The following PTPRD variants were observed in gnomAD, a reference collection of about 807,000 sequenced individuals.
PTPRD encodes protein tyrosine phosphatase receptor type D, also known as receptor-type tyrosine-protein phosphatase delta.
Under a neutral mutation model 214.5 loss-of-function variants are expected in PTPRD, and 34 were observed. The observed-to-expected ratio is 0.16, with a 90% confidence interval of 0.12 to 0.21. PTPRD has a LOEUF of 0.21. Ranked by LOEUF, PTPRD falls within the 10% of genes least tolerant of loss-of-function variation. The probability of loss-of-function intolerance (pLI) is 1.00; values close to 1 mark genes in which losing one functional copy is unlikely to be tolerated. For missense variants in PTPRD, 2,545 were observed against 2,398.7 expected (o/e 1.06, Z -1.27); for synonymous variants, 1,128 against 845.7 (o/e 1.33, Z -5.79).
intron 2 of PTPRD, among the ~76,000 whole-genome samples, chr9:10,452,534 C>G (rs758428819): frequency 6.6e-6 from 1 of 151,712 alleles, no homozygotes; most frequent in Non-Finnish European, 1.5e-5. Flanking sequence ...GAAGGAATAT[C>G]TCATTGTACT....
At chr9:8,825,221 G>A (rs1009253840) in intron 11 of PTPRD, among the ~76,000 whole-genome samples, 2 of 152,152 alleles carry the variant, frequency 1.3e-5, no homozygotes, top group East Asian at 3.8e-4. Flanking sequence ...TATAGGGACT[G>A]TTTTAGGCAA....
chr9:9,086,181 AAAGATG>A (rs767822654), intron 10 of PTPRD, among the ~76,000 whole-genome samples: 20 of 152,222 alleles, frequency 1.3e-4, no homozygotes, highest in Non-Finnish European at 2.8e-4. Context: ...ATTTTTCACT[AAAGATG>A]ACTTTTGAAA....
At chr9:10,128,250 G>A (rs920282418) in intron 3 of PTPRD, among the ~76,000 whole-genome samples, 2 of 152,118 alleles carry the variant, frequency 1.3e-5, no homozygotes, top group East Asian at 1.9e-4. Context: ...ACACACAATG[G>A]CTTAGAATGT....
intron 3 of PTPRD, among the ~76,000 whole-genome samples, chr9:10,094,784 C>A (rs935083840): frequency 1.3e-5 from 2 of 151,250 alleles, no homozygotes; most frequent in African/African-American, 4.8e-5. Context: ...ATTTTCCAGG[C>A]CTAAGAATTT....
chr9:8,381,552 T>C (rs1437191668), intron 37 of PTPRD, among the ~76,000 whole-genome samples: 1 of 152,188 alleles, frequency 6.6e-6, no homozygotes, highest in Non-Finnish European at 1.5e-5. Flanking sequence ...ATTATATCTT[T>C]ACTAATCACT....
At chr9:8,662,528 G>T (rs372475395) in intron 12 of PTPRD, among the ~76,000 whole-genome samples, 78 of 152,140 alleles carry the variant, frequency 5.1e-4, no homozygotes, top group African/African-American at 1.8e-3. Flanking sequence ...AACTCTTCAG[G>T]GCTCTGATAC....
intron 5 of PTPRD, among the ~76,000 whole-genome samples, chr9:9,879,421 C>G (rs950741103): frequency 1.3e-5 from 2 of 152,118 alleles, no homozygotes; most frequent in African/African-American, 4.8e-5. Flanking sequence ...CAGTGAGAAA[C>G]AGAACTATAC....
intron 12 of PTPRD, among the ~76,000 whole-genome samples, chr9:8,651,045 G>C (rs1258899429): frequency 1.3e-5 from 2 of 151,946 alleles, no homozygotes; most frequent in African/African-American, 4.8e-5. Flanking sequence ...ACTTCCAATT[G>C]AGCACATGTA....
intron 11 of PTPRD, among the ~76,000 whole-genome samples, chr9:8,787,404 G>A (rs2096029524): frequency 6.6e-6 from 1 of 152,096 alleles, no homozygotes; most frequent in Non-Finnish European, 1.5e-5. Flanking sequence ...TTCTGACGAT[G>A]ACAATTTGTT....
At chr9:10,561,496 G>C (rs1388231296) in intron 2 of PTPRD, among the ~76,000 whole-genome samples, 1 of 151,956 alleles carries the variant, frequency 6.6e-6, no homozygotes, top group South Asian at 2.1e-4. Flanking sequence ...CTATTACCTA[G>C]AATACTGCAT....
chr9:9,818,947 G>T lies in PTPRD; in HGVS notation c.-367-52096C>A, dbSNP rs562583009. On this transcript the variant is annotated intron_variant, in intron 5 of 45. Transcript: ENST00000381196. ...AAAAAAAAAAAAAAAAAGTTCGTAT[G>T]TATGTCTTTCAATTATTTTATTGTA... Among the ~76,000 whole-genome samples the T allele has an allele frequency of 9.0e-4, 133 of 148,478 alleles. 1 individual carries two copies. The highest frequency in any genetic ancestry group is 1.7e-3 in the Non-Finnish European group (116 of 67,216).
intron 14 of PTPRD, among the ~76,000 whole-genome samples, chr9:8,597,440 C>G (rs1229750390): frequency 6.6e-6 from 1 of 151,908 alleles, no homozygotes; most frequent in African/African-American, 2.4e-5. Context: ...TTAATACACC[C>G]TCCTTGTTCC....
chr9:8,462,284 A>G (rs537659542), intron 32 of PTPRD, among the ~76,000 whole-genome samples: 61 of 152,112 alleles, frequency 4.0e-4, no homozygotes, highest in African/African-American at 1.3e-3. Context: ...AAACACTGAT[A>G]TTAGCTAATC....
intron 7 of PTPRD, among the ~76,000 whole-genome samples, chr9:9,671,958 T>C (rs1484495825): frequency 1.3e-5 from 2 of 152,206 alleles, no homozygotes; most frequent in African/African-American, 4.8e-5. Flanking sequence ...GGGGTTGTTA[T>C]GAGATGTGAT....
At chr9:10,321,602 C>T (rs1053199445) in intron 3 of PTPRD, among the ~76,000 whole-genome samples, 19 of 150,318 alleles carry the variant, frequency 1.3e-4, no homozygotes, top group East Asian at 5.8e-4. Context: ...GTTTTAAAAG[C>T]GGGGGTGGAA....
At chr9:9,496,856 C>A (rs1447042290) in intron 8 of PTPRD, among the ~76,000 whole-genome samples, 2 of 152,098 alleles carry the variant, frequency 1.3e-5, no homozygotes, top group Non-Finnish European at 2.9e-5. Context: ...ACTCAAGTGT[C>A]CATTGACGAA....
In PTPRD at chr9:9,762,799, G is replaced by A. The variant is rs370991679; in HGVS notation, c.-326+4011C>T. 3.3e-5 allele frequency among the ~76,000 whole-genome samples: 5 copies of A among 152,174 alleles called. No individual in the cohort carries two copies. The East Asian group carries it at 9.6e-4, about 29-fold the overall frequency. The stretch of plus-strand genomic sequence containing the variant: ...GATTTTTTAGGTATTATTCATAGCA[G>A]CACCCTATTTCTTGATGTCAAAGTT... On this transcript the variant is annotated intron_variant, in intron 6 of 45. Coordinates refer to ENST00000381196, the MANE Select transcript of PTPRD (RefSeq NM_002839.4).
intron 7 of PTPRD, among the ~76,000 whole-genome samples, chr9:9,722,112 C>G (rs903286259): frequency 2.0e-5 from 3 of 151,934 alleles, no homozygotes; most frequent in Non-Finnish European, 4.4e-5. Flanking sequence ...ATAAAACTCT[C>G]CCTTTTAAAG....
At chr9:10,284,619 G>C (rs1031254152) in intron 3 of PTPRD, among the ~76,000 whole-genome samples, 1 of 152,166 alleles carries the variant, frequency 6.6e-6, no homozygotes, top group African/African-American at 2.4e-5. Context: ...GCATGGCTTA[G>C]TTGGTTTCTT....
Sources: gnomAD v4.1 joint callset for allele counts (sites outside exome capture counted in the v4.1 genomes callset) on GRCh38, gnomAD v4.1.1 for gene constraint, MANE v1.5 for transcripts, NCBI Gene and HGNC (gene_info 2026-07-23, HGNC 2026-07-21) for gene names.